The following RTEL1 variants were observed in gnomAD, a reference collection of about 807,000 sequenced individuals.
The protein encoded by RTEL1 is regulator of telomere length.
A neutral mutation model predicts 162.2 loss-of-function variants in RTEL1; 86 were observed. That is an observed-to-expected ratio of 0.53 (90% CI 0.45 to 0.63). The LOEUF is 0.63. Among genes scored for constraint, RTEL1 ranks in the 30% least tolerant of loss-of-function variants. RTEL1 has a pLI of 0.00. For synonymous variants in RTEL1, 958 were observed against 717.9 expected, an observed-to-expected ratio of 1.33 and a Z score of -5.35; for missense variants, 1,941 against 1,750.2, an observed-to-expected ratio of 1.11 and a Z score of -1.95.
In RTEL1 at chr20:63,689,056, C is replaced by G; in HGVS notation, c.1802C>G (p.Thr601Ser). Residue 601 changes from threonine to serine, a missense_variant and splice_region_variant, in exon 22 of 35, where the codon ACC becomes AGC. Thr to Ser is a moderately conservative substitution (Grantham distance 58). Coordinates refer to ENST00000360203, the MANE Select transcript of RTEL1 (RefSeq NM_001283009.2). ...CAGCCTCACCAACTTTCCTTCCAGA[C>G]CATCAGTGCTTACTATGCAAGGGTT... Reference protein sequence around the residue: ...EPRSKGSFSETISAYYARVAA... With the variant: ...EPRSKGSFSESISAYYARVAA... 6.2e-7 allele frequency: 1 copy of G among 1,610,786 alleles called. No homozygotes were observed. The highest frequency in any genetic ancestry group is 8.5e-7 in the Non-Finnish European group (1 of 1,179,706).
Position 63,695,798 on chromosome 20 carries a change from C to G in RTEL1, c.3843C>G (p.Ala1281=). ...CACAGGCCTCTAGGATGTGCCCAGCCTGCCACACCGCCTCCAGGAAGCAGA... is the reference window on the plus strand; with the variant it reads ...CACAGGCCTCTAGGATGTGCCCAGCGTGCCACACCGCCTCCAGGAAGCAGA... ...RHLQASRMCP[A]CHTASRKQSV... Residue 1281 remains alanine (A), a synonymous_variant, in exon 35 of 35, where the codon GCC becomes GCG. Transcript: ENST00000360203. The G allele has an allele frequency of 6.3e-7, 1 of 1,598,066 alleles. No homozygotes were observed. Among genetic ancestry groups the G allele is most frequent in the Non-Finnish European group, 8.5e-7 (1 of 1,173,426 alleles).
chr20:63,690,206 G>T lies in RTEL1; in HGVS notation c.2261G>T (p.Arg754Leu), dbSNP rs141423196. Reference sequence around the variant, plus strand: ...GCCCAGTTCTTCCGTGTTGCCGAGCGAACTGTGAGTTCCTGCCCAGGGAGG... The same window carrying T: ...GCCCAGTTCTTCCGTGTTGCCGAGCTAACTGTGAGTTCCTGCCCAGGGAGG... Reference protein sequence around the residue: ...DVAQFFRVAERTMPAPAPRAT... With the variant: ...DVAQFFRVAELTMPAPAPRAT... The change falls in exon 25 of 35, where the codon CGA becomes CTA. Residue 754 changes from arginine to leucine, a missense_variant. Transcript: ENST00000360203. The T allele has an allele frequency of 5.0e-6, 8 of 1,612,280 alleles. No individual in the cohort carries two copies. Among genetic ancestry groups the T allele is most frequent in the Non-Finnish European group, 6.8e-6 (8 of 1,179,636 alleles).
intron 14 of RTEL1, chr20:63,681,708 G>A (rs2090480861): frequency 1.0e-6 from 1 of 985,336 alleles, no homozygotes; most frequent in Non-Finnish European, 1.2e-6. Flanking sequence ...GGGACCAGGT[G>A]GGGTGGGCAC....
intron 22 of RTEL1, 58 bp from the exon 23 acceptor site, chr20:63,689,444 T>C (rs985035685): frequency 5.5e-6 from 8 of 1,462,508 alleles, no homozygotes; most frequent in African/African-American, 1.4e-5. Context: ...GGGCTGGGTG[T>C]GGGCACCAGG....
At position 63,668,330 on chromosome 20, in the gene RTEL1, G is replaced by T. The variant is rs1022327753; in HGVS notation, c.699+777G>T. On this transcript the variant is annotated intron_variant, in intron 8 of 34. Transcript: ENST00000360203. The surrounding 1 kb of genome is among the most constrained non-coding windows in gnomAD (Gnocchi z 4.3). Reference sequence around the variant, plus strand: ...CCGTCGTTGGTTCGCTCATTCTCGGGGTGTATATTTATTGAGAGCTCATCA... The same window carrying T: ...CCGTCGTTGGTTCGCTCATTCTCGGTGTGTATATTTATTGAGAGCTCATCA... 6.6e-6 allele frequency among the ~76,000 whole-genome samples: 1 copy of T among 152,178 alleles called. No homozygotes were observed.
intron 22 of RTEL1, 138 bp downstream of exon 22, chr20:63,689,270 T>G: frequency 2.1e-6 from 2 of 933,778 alleles, no homozygotes; most frequent in Non-Finnish European, 3.2e-6. Context: ...CTGGCCCTGC[T>G]GGGAGCGTGT....
intron 14 of RTEL1, 53 bp downstream of exon 14, chr20:63,680,772 G>A: frequency 6.2e-7 from 1 of 1,604,838 alleles, no homozygotes; most frequent in Admixed American, 1.7e-5. Flanking sequence ...CCGGGCGGGT[G>A]CCTTCTCCTG....
rs1291564839 is a variant in RTEL1, at chr20:63,659,548, T to G, written c.102+44T>G. The G allele has an allele frequency of 2.1e-6, 3 of 1,438,018 alleles. No individual in the cohort carries two copies. The African/African-American group carries it at 4.2e-5, about 20-fold the overall frequency. The allele number at this position is 1,438,018 out of a possible 1,614,324, so 89.1% of individuals were successfully genotyped here. ...GGAAAGGACTGCGGGTGGGTGGAGC[T>G]TCAGCCAGGACGGGGTGTGCTTCCC... On this transcript the variant is annotated intron_variant, in intron 2 of 34. Coordinates refer to ENST00000360203, the MANE Select transcript of RTEL1 (RefSeq NM_001283009.2).
Position 63,661,760 on chromosome 20 carries a change from A to C in RTEL1, c.302-90A>C. 8.5e-7 allele frequency: 1 copy of C among 1,181,780 alleles called. No homozygotes were observed. The highest frequency in any genetic ancestry group is 2.4e-5 in the East Asian group (1 of 42,270). 73.2% of individuals were successfully genotyped at this position (1,181,780 alleles called of 1,614,324 possible). On this transcript the variant is annotated intron_variant, in intron 3 of 34. Transcript: ENST00000360203. This position sits in a 1 kb window ranked among gnomAD's most constrained non-coding sequence, Gnocchi z 5.1. ...GGGTGTCAGATTCTTGGCTGTCTGC[A>C]GGGCCGAGTTAGCCGAATGCCACCT...
intron 8 of RTEL1, among the ~76,000 whole-genome samples, chr20:63,671,480 T>C (rs1463808814): frequency 6.6e-6 from 1 of 151,894 alleles, no homozygotes; most frequent in Non-Finnish European, 1.5e-5. Context: ...AACATCTTAA[T>C]GTGTGAAATT....
intron 9 of RTEL1, among the ~76,000 whole-genome samples, chr20:63,673,209 T>C (rs1031112523): frequency 1.3e-5 from 2 of 151,846 alleles, no homozygotes; most frequent in South Asian, 4.2e-4. Flanking sequence ...CTGGCCAACA[T>C]AGTGAAACAC....
intron 12 of RTEL1, 23 bp from the exon 13 acceptor site, chr20:63,679,826 G>A: frequency 6.3e-7 from 1 of 1,597,514 alleles, no homozygotes; most frequent in African/African-American, 1.3e-5. Context: ...CCAGGCTCGA[G>A]CCTGCCTTCT....
intron 2 of RTEL1, 113 bp downstream of exon 2, chr20:63,659,617 C>A (rs1177820328): frequency 3.8e-6 from 3 of 789,634 alleles, no homozygotes; most frequent in Non-Finnish European, 6.6e-6. Flanking sequence ...CCAGAGGCAG[C>A]GTCTGTCATA....
At chr20:63,675,065 G>A (rs1025113820) in intron 10 of RTEL1, among the ~76,000 whole-genome samples, 10 of 152,216 alleles carry the variant, frequency 6.6e-5, no homozygotes, top group African/African-American at 1.9e-4. Flanking sequence ...GCACCACCAC[G>A]CCCAGCTAAT....
intron 26 of RTEL1, 85 bp downstream of exon 26, chr20:63,690,526 A>C: frequency 7.0e-7 from 1 of 1,421,780 alleles, no homozygotes; most frequent in Non-Finnish European, 9.3e-7. Context: ...CCCAGGGCGG[A>C]GGCGACTCAC....
At position 63,695,160 on chromosome 20, in the gene RTEL1, G is replaced by A. The variant is rs770920450; in HGVS notation, c.3438G>A (p.Pro1146=). 3.2e-5 allele frequency: 52 copies of A among 1,612,258 alleles called. No homozygotes were observed. In the East Asian group the frequency reaches 3.8e-4, roughly 12 times the overall value. ...TGRPYPGMEP[P]GPQEERLAVP... Reference sequence around the variant, plus strand: ...GGCCCTACCCGGGCATGGAGCCACCGGGACCCCAGGAGGAGAGGCTTGCCG... The same window carrying A: ...GGCCCTACCCGGGCATGGAGCCACCAGGACCCCAGGAGGAGAGGCTTGCCG... Residue 1146 remains proline (P), a synonymous_variant, in exon 33 of 35, where the codon CCG becomes CCA. Coordinates refer to ENST00000360203, the MANE Select transcript of RTEL1 (RefSeq NM_001283009.2).
rs200228490 is a variant in RTEL1 at position 63,693,294 on chromosome 20, C to A, written c.2992+11C>A. The A allele has an allele frequency of 6.2e-6, 10 of 1,611,130 alleles. No homozygotes were observed. The Admixed American group carries it at 1.5e-4, about 24-fold the overall frequency. On this transcript the variant is annotated intron_variant, in intron 30 of 34. Transcript: ENST00000360203. ...TCCTGGACCCCACTGGTAAATGGGG[C>A]CCCAGGTGGGACCCTCAGACTCCTG... is the stretch of plus-strand genomic sequence containing the variant.
At chr20:63,676,137 C>T (rs573431789) in intron 10 of RTEL1, among the ~76,000 whole-genome samples, 11 of 152,190 alleles carry the variant, frequency 7.2e-5, no homozygotes, top group African/African-American at 2.2e-4. Flanking sequence ...GGTGCCATCA[C>T]GGCTCACTGC....
intron 30 of RTEL1, among the ~76,000 whole-genome samples, chr20:63,693,621 ACCACCACCT>A (rs2090869762): frequency 2.5e-4 from 5 of 19,844 alleles, no homozygotes; most frequent in Admixed American, 4.8e-4. Context: ...CTCCACCTCC[ACCACCACCT>A]CCACCACCAC....
Sources: allele counts gnomAD v4.1 joint callset (sites outside exome capture counted in the v4.1 genomes callset), GRCh38; gene constraint gnomAD v4.1.1; non-coding constraint Gnocchi (gnomAD v3.1); transcripts MANE v1.5; gene names NCBI Gene and HGNC (gene_info 2026-07-23, HGNC 2026-07-21).